AHSG: variants seen among roughly 807,000 people sequenced by gnomAD.
AHSG encodes the protein alpha 2-HS glycoprotein.
A neutral mutation model predicts 30.1 loss-of-function variants in AHSG; 23 were observed. The ratio of observed to expected loss-of-function variants is 0.76; its 90% CI spans 0.55 to 1.08. AHSG has a LOEUF of 1.08. Among genes scored for constraint, AHSG ranks in the 50% least tolerant of loss-of-function variants. AHSG has a pLI of 0.00. For missense variants in AHSG, 469 were observed against 459.5 expected (o/e 1.02, Z -0.19); for synonymous variants, 164 against 186.3 (o/e 0.88, Z 0.98).
chr3:186,620,567 G>A lies in AHSG; in HGVS notation c.760-19G>A, dbSNP rs771599564. 6.4e-7 allele frequency: 1 copy of A among 1,573,648 alleles called. No homozygotes were observed. The highest frequency in any genetic ancestry group is 1.2e-5 in the South Asian group (1 of 86,066). On this transcript the variant is annotated intron_variant, in intron 6 of 6. Coordinates refer to ENST00000411641, the MANE Select transcript of AHSG (RefSeq NM_001622.4). ...GGAGGAGGAAGCAAACTAACTGAAG[G>A]AAATGGTCCTTTTTCCAGCCCGTGA...
chr3:186,620,668 C>T lies in AHSG; in HGVS notation c.842C>T (p.Pro281Leu), dbSNP rs769701026. 1.3e-5 allele frequency: 21 copies of T among 1,614,166 alleles called. No homozygotes were observed. The Admixed American group carries it at 3.2e-4, about 24-fold the overall frequency. ...PVVDPDAPPS[P>L]PLGAPGLPPA... ...GTGGACCCAGATGCACCTCCGTCCCCTCCACTTGGCGCACCTGGACTCCCT... is the reference window on the plus strand; with the variant it reads ...GTGGACCCAGATGCACCTCCGTCCCTTCCACTTGGCGCACCTGGACTCCCT... The change falls in exon 7 of 7, where the codon CCT (proline) becomes CTT (leucine). Residue 281 changes from proline (P) to leucine (L), a missense_variant. Transcript: ENST00000411641.
chr3:186,619,810 T>A, intron 5 of AHSG, 47 bp from the exon 6 acceptor site: 1 of 1,480,154 alleles, frequency 6.8e-7, no homozygotes, highest in Non-Finnish European at 9.3e-7. Context: ...TTGGGGGGGA[T>A]CCATTTTTGA....
chr3:186,619,988 C>A, intron 6 of AHSG, 48 bp downstream of exon 6: 1 of 1,439,274 alleles, frequency 6.9e-7, no homozygotes, highest in Non-Finnish European at 9.6e-7. Flanking sequence ...AATACAATGA[C>A]CCCTTCACAT....
chr3:186,617,569 G>A, intron 4 of AHSG: 1 of 829,676 alleles, frequency 1.2e-6, no homozygotes, highest in Admixed American at 2.4e-5. Context: ...CCCATGCTGA[G>A]CCACTGTAAC....
chr3:186,616,278 G>A (rs113129424), intron 2 of AHSG, among the ~76,000 whole-genome samples, 165 bp from the exon 3 acceptor site: 2 of 152,154 alleles, frequency 1.3e-5, no homozygotes, highest in South Asian at 4.1e-4. Context: ...TTTTACAAGC[G>A]TTTAACTATA....
intron 1 of AHSG, among the ~76,000 whole-genome samples, chr3:186,614,033 A>T (rs1456539771): frequency 6.6e-6 from 1 of 151,902 alleles, no homozygotes; most frequent in Non-Finnish European, 1.5e-5. Context: ...TCCCAAAGAG[A>T]GTTACCCACA....
At chr3:186,613,629 G>A (rs1001248294) in intron 1 of AHSG, among the ~76,000 whole-genome samples, 1 of 152,148 alleles carries the variant, frequency 6.6e-6, no homozygotes, top group Admixed American at 6.6e-5. Context: ...GACAGAAAGT[G>A]TAACTTGCTG....
intron 5 of AHSG, 22 bp downstream of exon 5, chr3:186,618,659 G>C (rs1383825018): frequency 1.9e-6 from 3 of 1,612,722 alleles, no homozygotes; most frequent in South Asian, 1.1e-5. Context: ...GGGACCTTGG[G>C]GTGTTACCAC....
intron 1 of AHSG, among the ~76,000 whole-genome samples, chr3:186,614,652 C>G (rs1229917644): frequency 2.6e-5 from 4 of 152,196 alleles, no homozygotes; most frequent in African/African-American, 4.8e-5. Context: ...GGCATTGTGA[C>G]TTTTACTAAA....
intron 3 of AHSG, among the ~76,000 whole-genome samples, chr3:186,616,775 G>A (rs548701433): frequency 6.6e-6 from 1 of 152,142 alleles, no homozygotes; most frequent in Admixed American, 6.5e-5. Flanking sequence ...TTCGAGACCA[G>A]CCTGGCCAAC....
chr3:186,619,880 A>C lies in AHSG; in HGVS notation c.699A>C (p.Thr233=). ...AEKQYGFCKA[T]LSEKLGGAEV... ...AGCAATATGGCTTTTGTAAGGCAAC[A>C]CTCAGTGAGAAGCTTGGTGGGGCAG... The change falls in exon 6 of 7, where the codon ACA becomes ACC. Residue 233 remains threonine (T), a synonymous_variant. Coordinates refer to ENST00000411641, the MANE Select transcript of AHSG (RefSeq NM_001622.4). 1 of 1,613,498 alleles carries C rather than the reference A, an allele frequency of 6.2e-7. No homozygotes were observed. The highest frequency in any genetic ancestry group is 8.5e-7 in the Non-Finnish European group (1 of 1,179,864).
intron 4 of AHSG, chr3:186,617,613 C>G (rs1299984684): frequency 3.5e-6 from 2 of 576,362 alleles, no homozygotes; most frequent in Non-Finnish European, 6.0e-6. Context: ...AGGTACATCC[C>G]CACTCCCTCC....
rs201550870 is a variant in AHSG, at chr3:186,619,899, G to A, written c.718G>A (p.Gly240Arg). Reference protein sequence around the residue: ...CKATLSEKLGGAEVAVTCMVF... With the variant: ...CKATLSEKLGRAEVAVTCMVF... ...GGCAACACTCAGTGAGAAGCTTGGT[G>A]GGGCAGAGGTTGCAGTGACCTGCAT... Residue 240 changes from glycine to arginine, a missense_variant, in exon 6 of 7, where the codon GGG becomes AGG. Transcript: ENST00000411641. 2 of 1,613,568 alleles carry A rather than the reference G, an allele frequency of 1.2e-6. No individual in the cohort carries two copies. The highest frequency in any genetic ancestry group is 1.7e-6 in the Non-Finnish European group (2 of 1,179,876).
At chr3:186,618,457 G>A in intron 4 of AHSG, 79 bp from the exon 5 acceptor site, 1 of 1,578,542 alleles carries the variant, frequency 6.3e-7, no homozygotes, top group Non-Finnish European at 8.7e-7. Flanking sequence ...CCCGAAGGAG[G>A]CTACTTCCCG....
Position 186,613,077 on chromosome 3 carries a change from G to T in AHSG, c.-65G>T. 1 of 1,453,780 alleles carries T rather than the reference G, an allele frequency of 6.9e-7. No individual in the cohort carries two copies. The highest frequency in any genetic ancestry group is 9.6e-7 in the Non-Finnish European group (1 of 1,042,924). 90.1% of individuals were successfully genotyped at this position (1,453,780 alleles called of 1,614,324 possible). A position where few individuals can be genotyped will look rare whatever the true frequency, so the allele number is the denominator to read the frequency against. On this transcript the variant is annotated 5_prime_UTR_variant, in exon 1 of 7. Coordinates refer to ENST00000411641, the MANE Select transcript of AHSG (RefSeq NM_001622.4). ...CCATGGGTCTACCTTTCCCAGCAGA[G>T]CACCTGGGTTGGTCCCGAAGCCTCC...
At chr3:186,617,971 G>T in intron 4 of AHSG, 2 of 158,398 alleles carry the variant, frequency 1.3e-5, no homozygotes, top group Non-Finnish European at 2.8e-5. Context: ...GTGATTCTCA[G>T]AACATCCCCA....
intron 1 of AHSG, among the ~76,000 whole-genome samples, chr3:186,614,058 C>T (rs1716224369): frequency 2.0e-5 from 3 of 152,066 alleles, no homozygotes; most frequent in African/African-American, 7.2e-5. Context: ...AGAGAGAAGT[C>T]TTGGCATAAA....
rs751252782 is a variant in AHSG at position 186,613,308 on chromosome 3, A to G, written c.167A>G (p.Tyr56Cys). 46 of 1,614,070 alleles carry G rather than the reference A, an allele frequency of 2.8e-5. No individual in the cohort carries two copies. The highest frequency in any genetic ancestry group is 3.7e-5 in the Non-Finnish European group (44 of 1,180,028). The change falls in exon 1 of 7, where the codon TAC becomes TGC. Residue 56 changes from tyrosine to cysteine, a missense_variant. Tyr to Cys is a radical substitution (Grantham distance 194). Transcript: ENST00000411641. ...DYINQNLPWG[Y>C]KHTLNQIDEV... is the part of the protein sequence containing the mutation. Reference sequence around the variant, plus strand: ...ATCAATCAAAACCTTCCTTGGGGATACAAACACACCTTGAACCAGATTGAT... The same window carrying G: ...ATCAATCAAAACCTTCCTTGGGGATGCAAACACACCTTGAACCAGATTGAT...
rs1479586312 is a variant in AHSG, at chr3:186,620,622, G to A, written c.796G>A (p.Glu266Lys). ...SSQPQPEGAN[E>K]AVPTPVVDPD... is the part of the protein sequence containing the mutation. ...ACAGCCCCAACCAGAAGGTGCCAAT[G>A]AAGCAGTCCCCACACCCGTGGTGGA... Residue 266 changes from glutamate (E) to lysine (K), a missense_variant, in exon 7 of 7, where the codon GAA becomes AAA. Physicochemically the swap from Glu to Lys is moderately conservative, Grantham distance 56 (BLOSUM62 1). Coordinates refer to ENST00000411641, the MANE Select transcript of AHSG (RefSeq NM_001622.4). The A allele has an allele frequency of 6.2e-7, 1 of 1,608,430 alleles. No individual in the cohort carries two copies. The highest frequency in any genetic ancestry group is 8.5e-7 in the Non-Finnish European group (1 of 1,175,346).
Sources: allele counts gnomAD v4.1 joint callset (sites outside exome capture counted in the v4.1 genomes callset), GRCh38; gene constraint gnomAD v4.1.1; transcripts MANE v1.5; gene names NCBI Gene and HGNC (gene_info 2026-07-23, HGNC 2026-07-21).